ZNF808: variants seen among roughly 807,000 people sequenced by gnomAD.
ZNF808 encodes the protein zinc finger protein 808.
Under a neutral mutation model 8.7 loss-of-function variants are expected in ZNF808, and 5 were observed. The observed-to-expected ratio is 0.58, with a 90% confidence interval of 0.30 to 1.21. ZNF808 has a LOEUF of 1.21. Among genes scored for constraint, ZNF808 ranks in the 50% most tolerant of loss-of-function variants. The probability of loss-of-function intolerance (pLI) is 0.07; values close to 1 mark genes in which losing one functional copy is unlikely to be tolerated. For synonymous variants in ZNF808, 380 were observed against 366.0 expected, an observed-to-expected ratio of 1.04 and a Z score of -0.44; for missense variants, 1,103 against 1,098.4, an observed-to-expected ratio of 1.00 and a Z score of -0.06.
chr19:52,541,291 G>T (rs372092135), intron 2 of ZNF808, among the ~76,000 whole-genome samples: 1 of 150,284 alleles, frequency 6.7e-6, no homozygotes, highest in South Asian at 2.1e-4. Context: ...AATTTTTCAT[G>T]GTGTGACATA....
At chr19:52,566,683 T>C (rs2059873763), downstream of ZNF808, among the ~76,000 whole-genome samples, 1 of 152,132 alleles carries the variant, frequency 6.6e-6, no homozygotes, top group South Asian at 2.1e-4. Context: ...CTCTGGTGCA[T>C]AAGTGGATAA....
chr19:52,537,463 G>A (rs1476468594), intron 2 of ZNF808, among the ~76,000 whole-genome samples: 1 of 152,134 alleles, frequency 6.6e-6, no homozygotes, highest in Non-Finnish European at 1.5e-5. Flanking sequence ...GAGGCAGAGG[G>A]ATTGCTTGAG....
chr19:52,539,058 G>A (rs111974747), intron 2 of ZNF808, among the ~76,000 whole-genome samples: 3 of 151,886 alleles, frequency 2.0e-5, no homozygotes, highest in Non-Finnish European at 4.4e-5. Context: ...GTCGGGAGTG[G>A]GGGAGAGAAG....
chr19:52,557,063 C>A (rs113068753), downstream of ZNF808, among the ~76,000 whole-genome samples: 81 of 152,164 alleles, frequency 5.3e-4, no homozygotes, highest in African/African-American at 1.9e-3. Flanking sequence ...CTCTGCCTCC[C>A]GGCATCAAGT....
chr19:52,560,632 G>A (rs1184235954), downstream of ZNF808, among the ~76,000 whole-genome samples: 1 of 152,136 alleles, frequency 6.6e-6, no homozygotes, highest in Non-Finnish European at 1.5e-5. Flanking sequence ...CCATACTGCT[G>A]ATTTTTTGGA....
chr19:52,546,592 G>A (rs554618832), intron 3 of ZNF808, among the ~76,000 whole-genome samples: 1 of 148,556 alleles, frequency 6.7e-6, no homozygotes, highest in East Asian at 2.0e-4. Context: ...ATATCGCCTT[G>A]TATGTTGAAC....
downstream of ZNF808, among the ~76,000 whole-genome samples, chr19:52,558,294 C>A (rs1417929149): frequency 6.6e-6 from 1 of 151,464 alleles, no homozygotes; most frequent in Non-Finnish European, 1.5e-5. Flanking sequence ...GATCTCCTGA[C>A]CTCGTGATCC....
intron 1 of ZNF808, among the ~76,000 whole-genome samples, chr19:52,528,110 T>C (rs2059526753): frequency 6.6e-6 from 1 of 151,954 alleles, no homozygotes; most frequent in South Asian, 2.1e-4. Flanking sequence ...GGCCGCGTCC[T>C]CTGCCTGGTC....
rs764453596 is a variant in ZNF808 at position 52,554,719 on chromosome 19, CAA to C, written c.1805_1806del (p.Lys602SerfsTer9). On this transcript the variant is annotated frameshift_variant, in exon 5 of 5. Transcript: ENST00000359798. LOFTEE classifies it low-confidence loss of function (END_TRUNC). The stretch of plus-strand genomic sequence containing the variant: ...AACCTTACAAATGTGAAGCATGTGA[CAA>C]AGTTTTTGGTCAGAAATCAGCTCTT... ...EKPYKCEACD[K>X]VFGQKSALES... 10 of 1,613,908 alleles carry C rather than the reference CAA, an allele frequency of 6.2e-6. No individual in the cohort carries two copies. Among genetic ancestry groups the C allele is most frequent in the Non-Finnish European group, 8.5e-6 (10 of 1,179,900 alleles).
Position 52,553,264 on chromosome 19 carries a change from G to T in ZNF808, c.348G>T (p.Gln116His). ...AAGAAATTCATAACATTGAGTTTCA[G>T]TGTCAAGAAGATGAAAGAAATGGCC... ...IEKEIHNIEFQCQEDERNGHE... is the reference protein window; with the variant it reads ...IEKEIHNIEFHCQEDERNGHE... The change falls in exon 5 of 5, where the codon CAG becomes CAT. Residue 116 changes from glutamine to histidine, a missense_variant. Coordinates refer to ENST00000359798, the MANE Select transcript of ZNF808 (RefSeq NM_001039886.4). 1 of 1,613,920 alleles carries T rather than the reference G, an allele frequency of 6.2e-7. No individual in the cohort carries two copies. The highest frequency in any genetic ancestry group is 8.5e-7 in the Non-Finnish European group (1 of 1,179,966).
downstream of ZNF808, among the ~76,000 whole-genome samples, chr19:52,557,571 C>T (rs1440833286): frequency 6.6e-6 from 1 of 152,134 alleles, no homozygotes; most frequent in Non-Finnish European, 1.5e-5. Flanking sequence ...CCTGAAGACT[C>T]ATGTATTCTT....
chr19:52,552,203 G>C (rs1257386701), intron 4 of ZNF808, among the ~76,000 whole-genome samples: 1 of 151,634 alleles, frequency 6.6e-6, no homozygotes, highest in Non-Finnish European at 1.5e-5. Flanking sequence ...GTTTTTAGTA[G>C]AAACAGAGTT....
chr19:52,536,718 G>T (rs1393163539), intron 2 of ZNF808, among the ~76,000 whole-genome samples: 2 of 152,164 alleles, frequency 1.3e-5, no homozygotes, highest in Non-Finnish European at 2.9e-5. Context: ...TGAGAACAGA[G>T]GGAGAAACAC....
At chr19:52,567,911 T>C (rs894173272), downstream of ZNF808, among the ~76,000 whole-genome samples, 1 of 152,206 alleles carries the variant, frequency 6.6e-6, no homozygotes, top group African/African-American at 2.4e-5. Flanking sequence ...GAATCTCTTC[T>C]TGAAAGGCAA....
chr19:52,550,002 A>G (rs192477407), intron 4 of ZNF808, among the ~76,000 whole-genome samples: 80 of 152,040 alleles, frequency 5.3e-4, no homozygotes, highest in African/African-American at 1.9e-3. Context: ...CAGCCTTTGT[A>G]TCCCCCTTGA....
chr19:52,551,890 G>T (rs902929593), intron 4 of ZNF808, among the ~76,000 whole-genome samples: 1 of 151,976 alleles, frequency 6.6e-6, no homozygotes, highest in African/African-American at 2.4e-5. Flanking sequence ...GTAATCCCAG[G>T]TACTCAGGAG....
At chr19:52,558,260 G>A (rs11667067), downstream of ZNF808, among the ~76,000 whole-genome samples, 1 of 150,708 alleles carries the variant, frequency 6.6e-6, no homozygotes, top group Non-Finnish European at 1.5e-5. Flanking sequence ...ATTTTTAGTA[G>A]AGGCGGGGTT....
intron 1 of ZNF808, among the ~76,000 whole-genome samples, chr19:52,529,881 C>T (rs1344065038): frequency 1.4e-5 from 2 of 145,948 alleles, no homozygotes; most frequent in Non-Finnish European, 3.0e-5. Flanking sequence ...CCACCAAGCC[C>T]AGCTAGTTTA....
chr19:52,565,063 G>A (rs1271056823), downstream of ZNF808, among the ~76,000 whole-genome samples: 2 of 152,120 alleles, frequency 1.3e-5, no homozygotes, highest in Non-Finnish European at 2.9e-5. Flanking sequence ...TCTGGCCTGG[G>A]CGAAAGAGTG....
Sources: gnomAD v4.1 joint callset for allele counts (sites outside exome capture counted in the v4.1 genomes callset) on GRCh38, gnomAD v4.1.1 for gene constraint, MANE v1.5 for transcripts, NCBI Gene and HGNC (gene_info 2026-07-23, HGNC 2026-07-21) for gene names.